NRBF2: variants seen among roughly 807,000 people sequenced by gnomAD.
NRBF2 encodes the protein nuclear receptor binding factor 2, also known as nuclear receptor-binding factor 2.
In NRBF2, 12 loss-of-function variants were observed where a neutral mutation model predicts 28.5. The ratio of observed to expected loss-of-function variants is 0.42; its 90% confidence interval spans 0.27 to 0.68. NRBF2 has a LOEUF of 0.68. NRBF2 is among the 30% of genes least tolerant of loss of function. The pLI is 0.24. For synonymous variants in NRBF2, 102 were observed against 116.5 expected (o/e 0.88, Z 0.80); for missense variants, 274 against 333.5 (o/e 0.82, Z 1.39).
intron 1 of NRBF2, among the ~76,000 whole-genome samples, chr10:63,135,445 G>A (rs988495385): frequency 6.6e-6 from 1 of 152,170 alleles, no homozygotes; most frequent in Non-Finnish European, 1.5e-5. Flanking sequence ...AAGGAGACTA[G>A]AACTGGGTGA....
intron 3 of NRBF2, among the ~76,000 whole-genome samples, 175 bp downstream of exon 3, chr10:63,152,365 C>T (rs932694316): frequency 6.6e-6 from 1 of 152,168 alleles, no homozygotes; most frequent in African/African-American, 2.4e-5. Context: ...GAACTGCAGT[C>T]GATGCCCCAG....
intron 3 of NRBF2, among the ~76,000 whole-genome samples, chr10:63,152,605 G>A (rs1168995530): frequency 6.6e-6 from 1 of 152,210 alleles, no homozygotes; most frequent in African/African-American, 2.4e-5. Flanking sequence ...GTCTTTGCTT[G>A]AATTCTTAAG....
rs796287738 is a variant in NRBF2, at chr10:63,142,784, T to C, written c.31-3425T>C. Among the ~76,000 whole-genome samples the C allele has an allele frequency of 2.4e-4, 26 of 107,172 alleles. No individual in the cohort carries two copies. The South Asian group carries it at 7.6e-3, about 31-fold the overall frequency. 70.3% of individuals were successfully genotyped at this position (107,172 alleles called of 152,430 possible). The stretch of plus-strand genomic sequence containing the variant: ...ATTTCTTTTCTTTCTTTCTTTCTTT[T>C]TTTTTTTTTTTTTTTTGAGGCTGTC... On this transcript the variant is annotated intron_variant, in intron 1 of 3. Coordinates refer to ENST00000277746, the MANE Select transcript of NRBF2 (RefSeq NM_030759.5).
intron 1 of NRBF2, among the ~76,000 whole-genome samples, chr10:63,144,548 G>A (rs556794725): frequency 1.8e-4 from 28 of 151,790 alleles, no homozygotes; most frequent in Non-Finnish European, 3.2e-4. Flanking sequence ...CTGAGTAGCT[G>A]GGACAACAGG....
At chr10:63,151,674 A>G (rs1351360703) in intron 2 of NRBF2, among the ~76,000 whole-genome samples, 1 of 152,322 alleles carries the variant, frequency 6.6e-6, no homozygotes, top group South Asian at 2.1e-4. Flanking sequence ...TATGTCAACA[A>G]GTTCTTAGGG....
intron 3 of NRBF2, among the ~76,000 whole-genome samples, chr10:63,152,467 C>A (rs1315604080): frequency 6.6e-6 from 1 of 152,172 alleles, no homozygotes; most frequent in Non-Finnish European, 1.5e-5. Context: ...CCTCTTCGGA[C>A]CATTCCTAAT....
intron 1 of NRBF2, among the ~76,000 whole-genome samples, chr10:63,140,660 A>G (rs1358909226): frequency 1.3e-5 from 2 of 151,042 alleles, no homozygotes; most frequent in Non-Finnish European, 1.5e-5. Flanking sequence ...TCGGCCTCAC[A>G]GAGCGCTGGG....
chr10:63,154,366 C>T lies in NRBF2; in HGVS notation c.*148C>T. 1.7e-6 allele frequency: 1 copy of T among 599,088 alleles called. No homozygotes were observed. The allele number at this position is 599,088 out of a possible 1,614,324, so 37.1% of individuals were successfully genotyped here. On this transcript the variant is annotated 3_prime_UTR_variant, in exon 4 of 4. Coordinates refer to ENST00000277746, the MANE Select transcript of NRBF2 (RefSeq NM_030759.5). ...TGTGGGAGCAGAGGCATTGCCAGGA[C>T]TTGGGAAACAGTCACTGTGAAATGC...
chr10:63,138,190 G>A (rs1184661525), intron 1 of NRBF2, among the ~76,000 whole-genome samples: 2 of 151,882 alleles, frequency 1.3e-5, no homozygotes, highest in Non-Finnish European at 2.9e-5. Context: ...GTGGGTGCCT[G>A]TAATCCCAGC....
At position 63,136,582 on chromosome 10, in the gene NRBF2, T is replaced by A. The variant is rs138393941; in HGVS notation, c.30+3082T>A. Among the ~76,000 whole-genome samples the A allele has an allele frequency of 3.0e-3, 454 of 152,322 alleles. 6 individuals carry two copies. Among genetic ancestry groups the A allele is most frequent in the African/African-American group, 0.011 (441 of 41,580 alleles). On this transcript the variant is annotated intron_variant, in intron 1 of 3. Transcript: ENST00000277746. ...GAACTTAGTAAGGTGTGTTTTCCAG[T>A]TTTACAGATAAATAAGCCTAAGCTG...
chr10:63,146,084 G>GT, intron 1 of NRBF2, 125 bp from the exon 2 acceptor site: 1 of 732,816 alleles, frequency 1.4e-6, no homozygotes, highest in Non-Finnish European at 2.4e-6. Flanking sequence ...AGATAGAGCT[G>GT]TAATAGTGAT....
At chr10:63,150,428 T>G (rs1841630348) in intron 2 of NRBF2, 13 of 854,174 alleles carry the variant, frequency 1.5e-5, no homozygotes, top group Non-Finnish European at 1.7e-5. Flanking sequence ...TTAAATTCTT[T>G]TTAAATTGAT....
chr10:63,142,293 G>GTTTT lies in NRBF2; in HGVS notation c.31-3911_31-3908dup, dbSNP rs1261835924. Among the ~76,000 whole-genome samples, 42 of 135,596 alleles carry GTTTT rather than the reference G, an allele frequency of 3.1e-4. 1 individual carries two copies. Among genetic ancestry groups the GTTTT allele is most frequent in the East Asian group, 3.0e-3 (13 of 4,332 alleles). 89.0% of individuals were successfully genotyped at this position (135,596 alleles called of 152,430 possible). A position where few individuals can be genotyped will look rare whatever the true frequency, so the allele number is the denominator to read the frequency against. On this transcript the variant is annotated intron_variant, in intron 1 of 3. Transcript: ENST00000277746. ...CCAAACCTCCTGAATCAGAACCTTT[G>GTTTT]TTTTTTTTGTTTTTTTTGTTTTTTT...
chr10:63,141,661 C>T (rs1205959412), intron 1 of NRBF2, among the ~76,000 whole-genome samples: 1 of 152,154 alleles, frequency 6.6e-6, no homozygotes, highest in Non-Finnish European at 1.5e-5. Flanking sequence ...ATCAAATTTA[C>T]ATAAGCAGAC....
At chr10:63,152,016 T>C (rs1325794420) in intron 2 of NRBF2, 134 bp from the exon 3 acceptor site, 3 of 539,410 alleles carry the variant, frequency 5.6e-6, no homozygotes, top group Non-Finnish European at 3.2e-6. Context: ...AGAATTCTTT[T>C]AAAAAATCCC....
intron 1 of NRBF2, among the ~76,000 whole-genome samples, chr10:63,134,070 C>T (rs1359264136): frequency 6.6e-6 from 1 of 151,176 alleles, no homozygotes; most frequent in East Asian, 1.9e-4. Context: ...CTGAGTCTAC[C>T]GTCTTCCAAA....
intron 1 of NRBF2, among the ~76,000 whole-genome samples, chr10:63,138,188 C>T (rs1461024428): frequency 6.6e-6 from 1 of 152,034 alleles, no homozygotes; most frequent in African/African-American, 2.4e-5. Flanking sequence ...TGGTGGGTGC[C>T]TGTAATCCCA....
chr10:63,134,243 A>C (rs1432748952), intron 1 of NRBF2, among the ~76,000 whole-genome samples: 1 of 152,148 alleles, frequency 6.6e-6, no homozygotes, highest in Non-Finnish European at 1.5e-5. Flanking sequence ...CAATTAAAAA[A>C]CAACACAACA....
At chr10:63,139,207 T>C (rs1316817169) in intron 1 of NRBF2, among the ~76,000 whole-genome samples, 1 of 152,074 alleles carries the variant, frequency 6.6e-6, no homozygotes, top group Non-Finnish European at 1.5e-5. Context: ...ATGGGGTTTC[T>C]CCACGTTGGT....
Sources: allele counts gnomAD v4.1 joint callset (sites outside exome capture counted in the v4.1 genomes callset), GRCh38; gene constraint gnomAD v4.1.1; transcripts MANE v1.5; gene names NCBI Gene and HGNC (gene_info 2026-07-23, HGNC 2026-07-21).